ZNF469: variants seen among roughly 807,000 people sequenced by gnomAD.
The protein encoded by ZNF469 is zinc finger protein 469.
Under a neutral mutation model 1.0 loss-of-function variants are expected in ZNF469, and 1 was observed. The observed-to-expected ratio is 1.00, with a 90% CI of 0.35 to 4.73. The LOEUF (loss-of-function observed/expected upper bound fraction) is 4.73, where lower values mean the gene tolerates loss of function less well. ZNF469 is among the 30% of genes most tolerant of loss of function. The pLI, the probability that ZNF469 is intolerant of heterozygous loss-of-function variation, is 0.16. For missense variants in ZNF469, 6,100 were observed against 5,356.3 expected (o/e 1.14, Z -4.33); for synonymous variants, 2,703 against 2,363.4 (o/e 1.14, Z -4.17).
At chr16:88,239,703 ATATATATATATATTTTTTTTTTTTTTTTT>A in the ZNF469 span, among the ~76,000 whole-genome samples, 1 of 6,322 alleles carries the variant, frequency 1.6e-4, no homozygotes, top group Non-Finnish European at 2.4e-4. Context: ...ATATATATAT[ATATATATATATATTTTTTTTTTTTTTTTT>A]TTTTTTTTTA....
At chr16:88,155,196 G>A in the ZNF469 span, among the ~76,000 whole-genome samples, 285 of 152,324 alleles carry the variant, frequency 1.9e-3, no homozygotes, top group African/African-American at 6.4e-3. Flanking sequence ...GCCATGGAGC[G>A]CAGCTGCAAG....
At chr16:88,169,806 C>T in the ZNF469 span, among the ~76,000 whole-genome samples, 18,713 of 152,234 alleles carry the variant, frequency 0.12, 1,528 homozygotes, top group African/African-American at 0.21. This position sits in a 1 kb window ranked among gnomAD's most constrained non-coding sequence, Gnocchi z 6.1. Flanking sequence ...CCATGCCACG[C>T]TCCCACCAGC....
Position 88,431,378 on chromosome 16 carries a change from G to A in ZNF469, c.3908G>A (p.Gly1303Asp). 2 of 1,550,036 alleles carry A rather than the reference G, an allele frequency of 1.3e-6. No individual in the cohort carries two copies. The highest frequency in any genetic ancestry group is 1.4e-5 in the African/African-American group (1 of 73,158). The change falls in exon 3 of 3, where the codon GGT (glycine) becomes GAT (aspartate). Residue 1303 changes from glycine (G) to aspartate (D), a missense_variant. Coordinates refer to ENST00000565624, the MANE Select transcript of ZNF469 (RefSeq NM_001367624.2). Reference protein sequence around the residue: ...SPTPGVGSLLGGPGGTQAPVS... With the variant: ...SPTPGVGSLLDGPGGTQAPVS... ...ACGCCAGGTGTGGGCAGCCTGCTGG[G>A]TGGTCCTGGGGGCACACAGGCCCCA...
the ZNF469 span, among the ~76,000 whole-genome samples, chr16:88,258,993 C>T: frequency 2.0e-5 from 3 of 152,186 alleles, no homozygotes; most frequent in South Asian, 4.1e-4. Context: ...CACCAAAACT[C>T]GTGGGAGTAT....
the ZNF469 span, among the ~76,000 whole-genome samples, chr16:88,247,520 GTGAA>G: frequency 1.4e-4 from 19 of 139,068 alleles, no homozygotes; most frequent in African/African-American, 4.2e-4. Context: ...GAGTGAGTGA[GTGAA>G]TGAGTGAGTG....
Position 88,438,151 on chromosome 16 carries a change from G to A in ZNF469, c.10681G>A (p.Ala3561Thr). 6.5e-7 allele frequency: 1 copy of A among 1,550,258 alleles called. No individual in the cohort carries two copies. Among genetic ancestry groups the A allele is most frequent in the Non-Finnish European group, 8.7e-7 (1 of 1,146,924 alleles). ...PPPSLSPFPA[A>T]LADGRGDCAL... ...GCCGTCTCTGTCTCCCTTCCCAGCT[G>A]CCTTGGCTGATGGCAGAGGAGACTG... Residue 3561 changes from alanine to threonine, a missense_variant, in exon 3 of 3, where the codon GCC becomes ACC. Transcript: ENST00000565624.
At chr16:88,362,549 T>C in the ZNF469 span, among the ~76,000 whole-genome samples, 8 of 152,248 alleles carry the variant, frequency 5.3e-5, no homozygotes, top group Non-Finnish European at 1.0e-4. Context: ...TTTTTTTCTT[T>C]CATCGCTTTA....
At chr16:88,256,458 G>A in the ZNF469 span, among the ~76,000 whole-genome samples, 1 of 152,204 alleles carries the variant, frequency 6.6e-6, no homozygotes, top group Non-Finnish European at 1.5e-5. Flanking sequence ...CACTTATGGA[G>A]GGCTATCTTG....
chr16:88,322,303 G>A, the ZNF469 span, among the ~76,000 whole-genome samples: 17 of 152,216 alleles, frequency 1.1e-4, no homozygotes, highest in Non-Finnish European at 1.9e-4. Flanking sequence ...CCCCACGGCC[G>A]CTCTGGGAGG....
the ZNF469 span, among the ~76,000 whole-genome samples, chr16:88,238,182 C>T: frequency 5.9e-5 from 9 of 152,380 alleles, no homozygotes; most frequent in Middle Eastern, 3.4e-3. Context: ...GAGGGGGATG[C>T]CCACGCTGCC....
At chr16:88,103,740 G>A in the ZNF469 span, among the ~76,000 whole-genome samples, 2 of 149,860 alleles carry the variant, frequency 1.3e-5, no homozygotes, top group African/African-American at 5.0e-5. Context: ...GGGAGCGGTG[G>A]AATAATCCTC....
chr16:88,386,607 G>A (rs1459824592), intron 1 of ZNF469, among the ~76,000 whole-genome samples: 1 of 152,180 alleles, frequency 6.6e-6, no homozygotes, highest in Non-Finnish European at 1.5e-5. Flanking sequence ...GACTCGGAGG[G>A]TCCCGTCACA....
the ZNF469 span, among the ~76,000 whole-genome samples, chr16:88,309,144 G>T: frequency 2.0e-5 from 3 of 152,338 alleles, no homozygotes; most frequent in Admixed American, 6.5e-5. Flanking sequence ...ACCTGATCCT[G>T]CCCTGTGCGT....
chr16:88,409,579 G>T lies in ZNF469; in HGVS notation c.-191-15228G>T, dbSNP rs376487247. On this transcript the variant is annotated intron_variant, in intron 1 of 2. Coordinates refer to ENST00000565624, the MANE Select transcript of ZNF469 (RefSeq NM_001367624.2). Reference sequence around the variant, plus strand: ...GGGGCCAGCCGGGGAGGGGTCCTGGGTGTTCAGGATGGAGGACCTTCTCCT... The same window carrying T: ...GGGGCCAGCCGGGGAGGGGTCCTGGTTGTTCAGGATGGAGGACCTTCTCCT... 2.0e-5 allele frequency among the ~76,000 whole-genome samples: 3 copies of T among 152,304 alleles called. No individual in the cohort carries two copies. In the East Asian group the frequency reaches 5.8e-4, roughly 29 times the overall value.
At chr16:88,174,483 T>C in the ZNF469 span, among the ~76,000 whole-genome samples, 1 of 115,640 alleles carries the variant, frequency 8.6e-6, no homozygotes, top group African/African-American at 4.6e-5. Context: ...TCTGTCTATC[T>C]ATCTATCTAT....
the ZNF469 span, among the ~76,000 whole-genome samples, chr16:88,316,720 T>G: frequency 6.6e-6 from 1 of 151,808 alleles, no homozygotes; most frequent in African/African-American, 2.4e-5. Context: ...CTAATTTTTG[T>G]GTTTTTAGTA....
the ZNF469 span, among the ~76,000 whole-genome samples, chr16:88,373,860 G>T: frequency 9.8e-5 from 15 of 152,294 alleles, no homozygotes; most frequent in South Asian, 1.4e-3. Context: ...AGCTGAGCGT[G>T]GTGGTGCACG....
the ZNF469 span, among the ~76,000 whole-genome samples, chr16:88,296,435 C>A: frequency 6.7e-6 from 1 of 149,280 alleles, no homozygotes; most frequent in African/African-American, 2.5e-5. Flanking sequence ...CATACATGCA[C>A]ACTCACAGAC....
At chr16:88,204,902 G>C in the ZNF469 span, among the ~76,000 whole-genome samples, 1,971 of 152,308 alleles carry the variant, frequency 0.013, 59 homozygotes, top group Admixed American at 0.06. Context: ...GCTAGCGACC[G>C]GCCTCCAGGC....
Sources: allele counts gnomAD v4.1 joint callset (sites outside exome capture counted in the v4.1 genomes callset), GRCh38; gene constraint gnomAD v4.1.1; non-coding constraint Gnocchi (gnomAD v3.1); transcripts MANE v1.5; gene names NCBI Gene and HGNC (gene_info 2026-07-23, HGNC 2026-07-21).